Variants in PDZRN4 observed in about 807,000 individuals in gnomAD.
PDZRN4 encodes the protein PDZ domain-containing RING finger protein 4.
A neutral mutation model predicts 99.0 loss-of-function variants in PDZRN4; 70 were observed. The observed-to-expected ratio is 0.71, with a 90% CI of 0.58 to 0.86. The LOEUF is 0.86. Among genes scored for constraint, PDZRN4 ranks in the 40% least tolerant of loss-of-function variants. The pLI, the probability that PDZRN4 is intolerant of heterozygous loss-of-function variation, is 0.00. For synonymous variants in PDZRN4, 551 were observed against 501.6 expected (o/e 1.10, Z -1.32); for missense variants, 1,474 against 1,331.2 (o/e 1.11, Z -1.67).
At chr12:41,480,866 A>G (rs1937661960) in intron 3 of PDZRN4, among the ~76,000 whole-genome samples, 1 of 152,308 alleles carries the variant, frequency 6.6e-6, no homozygotes, top group African/African-American at 2.4e-5. Context: ...GATACAGAAT[A>G]TAATTTCAAA....
intron 7 of PDZRN4, 59 bp downstream of exon 7, chr12:41,555,819 C>G (rs1939150592): frequency 7.5e-7 from 1 of 1,338,532 alleles, no homozygotes; most frequent in South Asian, 1.2e-5. Context: ...TACTATTTTA[C>G]TTTGTTTCTT....
chr12:41,388,599 A>G (rs1820086562), intron 3 of PDZRN4, among the ~76,000 whole-genome samples: 1 of 152,226 alleles, frequency 6.6e-6, no homozygotes, highest in South Asian at 2.1e-4. Context: ...AAGCAAGCAT[A>G]CATTTCAGAA....
chr12:41,524,315 A>G (rs1296794275), intron 5 of PDZRN4, among the ~76,000 whole-genome samples: 4 of 152,168 alleles, frequency 2.6e-5, no homozygotes, highest in Non-Finnish European at 5.9e-5. Flanking sequence ...TGCAATTCCT[A>G]TCAAAATCCC....
chr12:41,528,110 T>A (rs1320784869), intron 5 of PDZRN4, among the ~76,000 whole-genome samples: 1 of 152,210 alleles, frequency 6.6e-6, no homozygotes, highest in Non-Finnish European at 1.5e-5. Flanking sequence ...AGTGCCTACT[T>A]CTAAAATCCT....
intron 3 of PDZRN4, among the ~76,000 whole-genome samples, chr12:41,221,690 C>T (rs117976247): frequency 2.7e-3 from 408 of 152,082 alleles, no homozygotes; most frequent in Non-Finnish European, 4.2e-3. Flanking sequence ...AGTTAGCGGT[C>T]AAATTACGGT....
chr12:41,571,554 GA>G (rs967950658), intron 9 of PDZRN4, among the ~76,000 whole-genome samples: 3 of 151,510 alleles, frequency 2.0e-5, no homozygotes, highest in Admixed American at 6.6e-5. Flanking sequence ...ATTTATCTTT[GA>G]AAAAAAATCC....
At chr12:41,431,558 G>C (rs1168564377) in intron 3 of PDZRN4, among the ~76,000 whole-genome samples, 2 of 152,196 alleles carry the variant, frequency 1.3e-5, no homozygotes, top group Non-Finnish European at 2.9e-5. Flanking sequence ...TGTAGGGTAA[G>C]TGTTATCTCA....
At chr12:41,470,472 A>G (rs1363636346) in intron 3 of PDZRN4, among the ~76,000 whole-genome samples, 1 of 148,394 alleles carries the variant, frequency 6.7e-6, no homozygotes, top group African/African-American at 2.5e-5. Context: ...TACCTCTGTC[A>G]TTCCCTGTGG....
intron 3 of PDZRN4, among the ~76,000 whole-genome samples, chr12:41,384,113 T>A (rs533334508): frequency 1.2e-4 from 18 of 151,674 alleles, no homozygotes; most frequent in African/African-American, 4.1e-4. Context: ...AGCGATTCTA[T>A]AGAGACTAAG....
intron 3 of PDZRN4, chr12:41,437,859 A>G (rs1952644262): frequency 1.2e-6 from 2 of 1,610,876 alleles, no homozygotes. Flanking sequence ...ACAGTAGTCA[A>G]GTCTGGAGGG....
intron 3 of PDZRN4, among the ~76,000 whole-genome samples, chr12:41,457,769 T>C (rs1952828821): frequency 6.6e-6 from 1 of 152,210 alleles, no homozygotes; most frequent in African/African-American, 2.4e-5. Context: ...TTTTTGGTGA[T>C]AGGAGTAGTA....
At position 41,325,392 on chromosome 12, in the gene PDZRN4, G is replaced by A. The variant is rs1432419220; in HGVS notation, c.843+131204G>A. The stretch of plus-strand genomic sequence containing the variant: ...TCATTTGTATGCATTTGTGATTACA[G>A]TATCTTCGTGCTTATTGTCCTCTTT... On this transcript the variant is annotated intron_variant, in intron 3 of 9. Coordinates refer to ENST00000402685, the MANE Select transcript of PDZRN4 (RefSeq NM_001164595.2). 2.6e-5 allele frequency among the ~76,000 whole-genome samples: 4 copies of A among 152,262 alleles called. No individual in the cohort carries two copies. In the East Asian group the frequency reaches 7.7e-4, roughly 29 times the overall value.
intron 3 of PDZRN4, among the ~76,000 whole-genome samples, chr12:41,219,160 A>T (rs1230690123): frequency 2.6e-5 from 4 of 152,066 alleles, no homozygotes; most frequent in Admixed American, 1.3e-4. Flanking sequence ...GAAGGTGATT[A>T]GAGAATTACA....
intron 3 of PDZRN4, among the ~76,000 whole-genome samples, chr12:41,322,175 G>A (rs1246616099): frequency 6.6e-6 from 1 of 151,968 alleles, no homozygotes; most frequent in Non-Finnish European, 1.5e-5. Context: ...GGGACTACAG[G>A]AACGTGCCAC....
chr12:41,523,114 T>A (rs1938519599), intron 5 of PDZRN4, among the ~76,000 whole-genome samples: 1 of 152,136 alleles, frequency 6.6e-6, no homozygotes, highest in South Asian at 2.1e-4. Flanking sequence ...TCGGGTTCCT[T>A]ATCTGTGAAA....
intron 3 of PDZRN4, among the ~76,000 whole-genome samples, chr12:41,476,375 A>T (rs1488491023): frequency 6.6e-6 from 1 of 152,198 alleles, no homozygotes; most frequent in Non-Finnish European, 1.5e-5. Flanking sequence ...GGAGGTTTGT[A>T]TCTCATTTTT....
chr12:41,372,081 A>T (rs1045828407), intron 3 of PDZRN4, among the ~76,000 whole-genome samples: 2 of 152,088 alleles, frequency 1.3e-5, no homozygotes, highest in Non-Finnish European at 1.5e-5. Flanking sequence ...CTTTTAAAAA[A>T]TTTTGCATAA....
At chr12:41,276,889 G>C (rs1381228349) in intron 3 of PDZRN4, among the ~76,000 whole-genome samples, 2 of 152,138 alleles carry the variant, frequency 1.3e-5, no homozygotes, top group African/African-American at 2.4e-5. Context: ...CATTCTTAGA[G>C]ACCCAGTTCT....
Position 41,188,349 on chromosome 12 carries a change from A to T in PDZRN4, c.-107A>T. On this transcript the variant is annotated 5_prime_UTR_variant, in exon 1 of 10. Coordinates refer to ENST00000402685, the MANE Select transcript of PDZRN4 (RefSeq NM_001164595.2). ...CACCTCCCACCCGCCACCTCCCTCC[A>T]CTGCCGCCGCCGCGAGACGGCTGCC... The T allele has an allele frequency of 1.8e-6, 2 of 1,109,456 alleles. No individual in the cohort carries two copies. Among genetic ancestry groups the T allele is most frequent in the Non-Finnish European group, 2.5e-6 (2 of 807,516 alleles). 68.7% of individuals were successfully genotyped at this position (1,109,456 alleles called of 1,614,324 possible).
Sources: gnomAD v4.1 joint callset for allele counts (sites outside exome capture counted in the v4.1 genomes callset) on GRCh38, gnomAD v4.1.1 for gene constraint, MANE v1.5 for transcripts, NCBI Gene and HGNC (gene_info 2026-07-23, HGNC 2026-07-21) for gene names.